The following INPP5D variants were observed in gnomAD, a reference collection of about 807,000 sequenced individuals.
The protein encoded by INPP5D is inositol polyphosphate-5-phosphatase D, also known as phosphatidylinositol 3,4,5-trisphosphate 5-phosphatase 1.
INPP5D carries 33 observed loss-of-function variants against 122.9 expected under a neutral mutation model. The ratio of observed to expected loss-of-function variants is 0.27; its 90% CI spans 0.20 to 0.36. The LOEUF (loss-of-function observed/expected upper bound fraction) is 0.36, where lower values mean the gene tolerates loss of function less well. INPP5D is among the 10% of genes least tolerant of loss of function. The pLI is 1.00. For synonymous variants in INPP5D, 584 were observed against 576.2 expected (o/e 1.01, Z -0.19); for missense variants, 1,053 against 1,412.7 (o/e 0.75, Z 4.08).
rs1050716513 is a variant in INPP5D at position 233,167,394 on chromosome 2, G to A, written c.1556-1911G>A. ...ATTAGAAAAAAAAATACAAACACTCGGGCAGGGACTCTTATTATTCCCATT... is the reference window on the plus strand; with the variant it reads ...ATTAGAAAAAAAAATACAAACACTCAGGCAGGGACTCTTATTATTCCCATT... On this transcript the variant is annotated intron_variant, in intron 13 of 26. Transcript: ENST00000445964. Among the ~76,000 whole-genome samples the A allele has an allele frequency of 9.3e-5, 14 of 150,520 alleles. No individual in the cohort carries two copies. The East Asian group carries it at 2.2e-3, about 24-fold the overall frequency.
At chr2:233,064,044 G>T (rs898368256) in intron 1 of INPP5D, among the ~76,000 whole-genome samples, 2 of 152,400 alleles carry the variant, frequency 1.3e-5, no homozygotes, top group South Asian at 4.1e-4. Context: ...AGGGTCCATG[G>T]GTTGGCCGAG....
intron 1 of INPP5D, among the ~76,000 whole-genome samples, chr2:233,077,538 A>C (rs1691553338): frequency 6.6e-6 from 1 of 152,144 alleles, no homozygotes; most frequent in African/African-American, 2.4e-5. Flanking sequence ...ACATGCCTGT[A>C]ATCCCAGCTA....
At chr2:233,140,495 A>G (rs980188605) in intron 6 of INPP5D, 3 of 152,268 alleles carry the variant, frequency 2.0e-5, no homozygotes, top group Non-Finnish European at 4.4e-5. Context: ...TTACAGACGA[A>G]GTATTCATGT....
chr2:233,148,973 A>G (rs1186719458), intron 9 of INPP5D, among the ~76,000 whole-genome samples: 1 of 152,116 alleles, frequency 6.6e-6, no homozygotes, highest in Non-Finnish European at 1.5e-5. Flanking sequence ...CAACCGATAT[A>G]CTATATGTAT....
At chr2:233,125,691 G>T (rs1438080505) in intron 3 of INPP5D, 54 bp from the exon 4 acceptor site, 3 of 1,533,240 alleles carry the variant, frequency 2.0e-6, no homozygotes, top group Non-Finnish European at 2.7e-6. Flanking sequence ...TGCGGTGAAG[G>T]CCGGGTTGTG....
chr2:233,137,266 G>A (rs1007167969), intron 5 of INPP5D, among the ~76,000 whole-genome samples: 4 of 151,770 alleles, frequency 2.6e-5, no homozygotes, highest in Non-Finnish European at 4.4e-5. Flanking sequence ...AGAAAGCACT[G>A]TAATTTTGCA....
chr2:233,185,827 T>A lies in INPP5D; in HGVS notation c.2276-16T>A, dbSNP rs1219633719. On this transcript the variant is annotated splice_polypyrimidine_tract_variant and intron_variant, in intron 20 of 26. Coordinates refer to ENST00000445964, the MANE Select transcript of INPP5D (RefSeq NM_001017915.3). ...TGCTCTGTTTTCTGAAAACCAGCCT[T>A]TTTGTCCTCCAACAGGTTTTGTCAA... 7.5e-6 allele frequency: 12 copies of A among 1,591,740 alleles called. No individual in the cohort carries two copies. In the South Asian group the frequency reaches 1.4e-4, roughly 18 times the overall value.
chr2:233,127,813 G>A (rs1271917625), intron 4 of INPP5D, among the ~76,000 whole-genome samples: 1 of 152,150 alleles, frequency 6.6e-6, no homozygotes, highest in Non-Finnish European at 1.5e-5. Flanking sequence ...TCTCCATGTT[G>A]GTTAGGCTAG....
At chr2:233,093,925 C>T (rs777915441) in intron 2 of INPP5D, among the ~76,000 whole-genome samples, 2 of 152,104 alleles carry the variant, frequency 1.3e-5, no homozygotes, top group South Asian at 2.1e-4. Flanking sequence ...TCCTGAGCAC[C>T]CTTCTTCTGC....
At chr2:233,063,453 C>A (rs1483286843) in intron 1 of INPP5D, among the ~76,000 whole-genome samples, 2 of 152,316 alleles carry the variant, frequency 1.3e-5, no homozygotes, top group African/African-American at 4.8e-5. Flanking sequence ...GCAGCCTCAC[C>A]AGGGAGGGGC....
intron 1 of INPP5D, among the ~76,000 whole-genome samples, chr2:233,064,051 C>T (rs372563681): frequency 2.6e-5 from 4 of 152,268 alleles, no homozygotes; most frequent in Non-Finnish European, 4.4e-5. Flanking sequence ...ATGGGTTGGC[C>T]GAGCCGGCAT....
chr2:233,154,019 T>C (rs1458495906), intron 9 of INPP5D, among the ~76,000 whole-genome samples: 1 of 152,188 alleles, frequency 6.6e-6, no homozygotes, highest in East Asian at 1.9e-4. Context: ...CAGACCACCC[T>C]GCGGAGAAGC....
chr2:233,092,939 G>A (rs1247498016), intron 2 of INPP5D, among the ~76,000 whole-genome samples: 1 of 151,936 alleles, frequency 6.6e-6, no homozygotes, highest in African/African-American at 2.4e-5. Context: ...ACAGGGCTTA[G>A]TAGATTTCCG....
intron 1 of INPP5D, among the ~76,000 whole-genome samples, chr2:233,069,689 TG>T (rs1393108653): frequency 6.6e-6 from 1 of 152,222 alleles, no homozygotes; most frequent in East Asian, 1.9e-4. Flanking sequence ...TCATATTTAA[TG>T]GATGTACAGG....
At chr2:233,094,677 C>G (rs1200744304) in intron 2 of INPP5D, among the ~76,000 whole-genome samples, 5 of 152,164 alleles carry the variant, frequency 3.3e-5, no homozygotes, top group Admixed American at 2.6e-4. Context: ...CACCTGGAAG[C>G]TTGTTAGAAA....
rs914145405 is a variant in INPP5D, at chr2:233,105,496, T to C, written c.199-16611T>C. ...CTACTGTCCTCTCTTCACAAGCCTC[T>C]GCACCTGGTCATATTTTCTTAGTTG... is the stretch of plus-strand genomic sequence containing the variant. On this transcript the variant is annotated intron_variant, in intron 2 of 26. Coordinates refer to ENST00000445964, the MANE Select transcript of INPP5D (RefSeq NM_001017915.3). The surrounding 1 kb of genome is among the most constrained non-coding windows in gnomAD (Gnocchi z 4.0). Among the ~76,000 whole-genome samples the C allele has an allele frequency of 6.6e-6, 1 of 152,202 alleles. No individual in the cohort carries two copies. Among genetic ancestry groups the C allele is most frequent in the Non-Finnish European group, 1.5e-5 (1 of 68,040 alleles).
chr2:233,080,595 C>T (rs1195508471), intron 2 of INPP5D, among the ~76,000 whole-genome samples: 1 of 152,000 alleles, frequency 6.6e-6, no homozygotes, highest in Non-Finnish European at 1.5e-5. Flanking sequence ...GCAATGACGG[C>T]GTTGGAGGAG....
chr2:233,138,333 A>G (rs1020314875), intron 5 of INPP5D, among the ~76,000 whole-genome samples: 1 of 150,870 alleles, frequency 6.6e-6, no homozygotes, highest in East Asian at 1.9e-4. Context: ...AAGCAAAGCA[A>G]TATGTAAAGT....
chr2:233,094,209 TC>T lies in INPP5D; in HGVS notation c.198+14814del, dbSNP rs1210240568. Among the ~76,000 whole-genome samples the T allele has an allele frequency of 2.0e-5, 3 of 152,032 alleles. No individual in the cohort carries two copies. The East Asian group carries it at 5.8e-4, about 29-fold the overall frequency. ...AAATACATTCATCAAATTGATTTTA[TC>T]CCGATGTTTAAAAACTCCCAGGCTG... On this transcript the variant is annotated intron_variant, in intron 2 of 26. Transcript: ENST00000445964.
Sources: allele counts gnomAD v4.1 joint callset (sites outside exome capture counted in the v4.1 genomes callset), GRCh38; gene constraint gnomAD v4.1.1; non-coding constraint Gnocchi (gnomAD v3.1); transcripts MANE v1.5; gene names NCBI Gene and HGNC (gene_info 2026-07-23, HGNC 2026-07-21).